Variants in MACROD2 observed in about 807,000 individuals in gnomAD.
MACROD2 encodes mono-ADP ribosylhydrolase 2, also known as ADP-ribose glycohydrolase MACROD2.
MACROD2 carries 36 observed loss-of-function variants against 70.4 expected under a neutral mutation model. The ratio of observed to expected loss-of-function variants is 0.51; its 90% CI spans 0.39 to 0.68. The LOEUF is 0.68. Among genes scored for constraint, MACROD2 ranks in the 30% least tolerant of loss-of-function variants. MACROD2 has a pLI of 0.00. For synonymous variants in MACROD2, 172 were observed against 178.8 expected, an observed-to-expected ratio of 0.96 and a Z score of 0.30; for missense variants, 496 against 538.4, an observed-to-expected ratio of 0.92 and a Z score of 0.78.
chr20:16,003,418 A>G lies in MACROD2; in HGVS notation c.1153+16260A>G, dbSNP rs139352711. Among the ~76,000 whole-genome samples, 622 of 152,240 alleles carry G rather than the reference A, an allele frequency of 4.1e-3. 1 individual carries two copies. The highest frequency in any genetic ancestry group is 0.013 in the African/African-American group (552 of 41,544). ...TTCACATTTATATATCCTAGAGACA[A>G]GACAGTGAAAACAATAGAAAGCAAA... is the stretch of plus-strand genomic sequence containing the variant. On this transcript the variant is annotated intron_variant, in intron 15 of 17. Coordinates refer to ENST00000684519, the MANE Select transcript of MACROD2 (RefSeq NM_001351661.2).
At chr20:15,759,469 CA>C (rs2146995782) in intron 8 of MACROD2, among the ~76,000 whole-genome samples, 1 of 152,298 alleles carries the variant, frequency 6.6e-6, no homozygotes, top group African/African-American at 2.4e-5. Flanking sequence ...CAATAATTTA[CA>C]TGTTTAATTG....
intron 15 of MACROD2, among the ~76,000 whole-genome samples, chr20:16,009,343 C>A (rs1285239397): frequency 1.3e-5 from 2 of 152,168 alleles, no homozygotes; most frequent in Non-Finnish European, 2.9e-5. Flanking sequence ...CTACCCCTAC[C>A]CCTCAGCTTA....
In MACROD2 at chr20:15,479,565, G is replaced by A. The variant is rs530035419; in HGVS notation, c.572-20209G>A. ...TGGGATTACAGGCGTGAGCCACCGC[G>A]CCCGGCCTAGATTCTCTCTCTTAAC... On this transcript the variant is annotated intron_variant, in intron 7 of 17. Transcript: ENST00000684519. Among the ~76,000 whole-genome samples, 31 of 152,166 alleles carry A rather than the reference G, an allele frequency of 2.0e-4. No homozygotes were observed. The South Asian group carries it at 5.8e-3, about 29-fold the overall frequency.
intron 5 of MACROD2, among the ~76,000 whole-genome samples, chr20:14,930,143 G>C (rs1176659419): frequency 3.3e-3 from 380 of 116,276 alleles, no homozygotes; most frequent in African/African-American, 0.011. Context: ...GCCTGGGTGA[G>C]AGAGTGAGAC....
intron 3 of MACROD2, among the ~76,000 whole-genome samples, chr20:14,255,546 C>T (rs955099282): frequency 2.0e-4 from 27 of 137,800 alleles, no homozygotes; most frequent in African/African-American, 7.3e-4. Flanking sequence ...GGGGTGGGGG[C>T]AGGGGGGAGG....
At chr20:15,795,272 G>A (rs983058271) in intron 8 of MACROD2, among the ~76,000 whole-genome samples, 2 of 151,990 alleles carry the variant, frequency 1.3e-5, no homozygotes, top group Non-Finnish European at 2.9e-5. Context: ...ACAGCCACAG[G>A]TTACTATAAG....
At chr20:15,861,524 T>A (rs995907716) in intron 8 of MACROD2, among the ~76,000 whole-genome samples, 5 of 152,030 alleles carry the variant, frequency 3.3e-5, no homozygotes, top group African/African-American at 1.2e-4. Context: ...TTATAATCCA[T>A]CCTTTGAAGG....
chr20:15,833,775 A>G (rs1185560932), intron 8 of MACROD2, among the ~76,000 whole-genome samples: 2 of 152,216 alleles, frequency 1.3e-5, no homozygotes, highest in Non-Finnish European at 2.9e-5. Flanking sequence ...CATTTTTAAT[A>G]TAAGAAATTA....
chr20:15,624,016 G>C (rs1341950010), intron 8 of MACROD2, among the ~76,000 whole-genome samples: 1 of 152,198 alleles, frequency 6.6e-6, no homozygotes, highest in Non-Finnish European at 1.5e-5. Flanking sequence ...TGAGGAACAA[G>C]GAAGCCAGGA....
At chr20:14,135,438 T>G (rs972929614) in intron 3 of MACROD2, among the ~76,000 whole-genome samples, 2 of 152,104 alleles carry the variant, frequency 1.3e-5, no homozygotes, top group East Asian at 3.9e-4. Context: ...AAGATTCAGA[T>G]AGGAGAATCA....
intron 9 of MACROD2, among the ~76,000 whole-genome samples, chr20:15,882,012 T>A (rs1312162238): frequency 1.3e-5 from 2 of 152,102 alleles, no homozygotes; most frequent in African/African-American, 2.4e-5. Context: ...ACTTGACATA[T>A]AATCCTAACC....
chr20:14,197,326 G>C (rs1234653134), intron 3 of MACROD2, among the ~76,000 whole-genome samples: 1 of 152,162 alleles, frequency 6.6e-6, no homozygotes, highest in African/African-American at 2.4e-5. Flanking sequence ...GTGGTTAATT[G>C]ATAAAGCAGA....
chr20:15,963,899 T>C (rs1294813841), intron 12 of MACROD2, among the ~76,000 whole-genome samples: 2 of 152,174 alleles, frequency 1.3e-5, no homozygotes, highest in African/African-American at 4.8e-5. Flanking sequence ...CACATCTATC[T>C]ACAGCCCTTT....
chr20:15,890,747 T>C (rs775608155), intron 10 of MACROD2, among the ~76,000 whole-genome samples: 66 of 152,182 alleles, frequency 4.3e-4, no homozygotes, highest in Non-Finnish European at 1.2e-4. Context: ...GGGTTTTTTT[T>C]TGTTCTGTTC....
At chr20:14,870,448 G>T (rs2073474929) in intron 5 of MACROD2, among the ~76,000 whole-genome samples, 1 of 151,964 alleles carries the variant, frequency 6.6e-6, no homozygotes, top group South Asian at 2.1e-4. Flanking sequence ...TATTCCTTTG[G>T]GTATATAACC....
intron 8 of MACROD2, among the ~76,000 whole-genome samples, chr20:15,697,675 G>T (rs1384585601): frequency 2.0e-5 from 3 of 152,104 alleles, no homozygotes; most frequent in Non-Finnish European, 4.4e-5. Flanking sequence ...CACTATTATT[G>T]TGTTGCTGTC....
intron 3 of MACROD2, among the ~76,000 whole-genome samples, chr20:14,388,014 G>GC (rs2083486528): frequency 2.8e-5 from 4 of 142,472 alleles, no homozygotes; most frequent in Middle Eastern, 3.6e-3. Context: ...ATGTAAGTAG[G>GC]TTTTTTTTTT....
At chr20:14,808,648 TAA>T (rs1303903328) in intron 5 of MACROD2, among the ~76,000 whole-genome samples, 1 of 151,552 alleles carries the variant, frequency 6.6e-6, no homozygotes. Flanking sequence ...GCAAATTGGA[TAA>T]AGAGTCAAGA....
At chr20:15,540,580 T>C (rs1209153997) in intron 8 of MACROD2, among the ~76,000 whole-genome samples, 1 of 152,100 alleles carries the variant, frequency 6.6e-6, no homozygotes, top group Non-Finnish European at 1.5e-5. Context: ...AAATCCCAGG[T>C]CAATTGGGTT....
Sources: gnomAD v4.1 joint callset for allele counts (sites outside exome capture counted in the v4.1 genomes callset) on GRCh38, gnomAD v4.1.1 for gene constraint, MANE v1.5 for transcripts, NCBI Gene and HGNC (gene_info 2026-07-23, HGNC 2026-07-21) for gene names.